The following GPR139 variants were observed in gnomAD, a reference collection of about 807,000 sequenced individuals.
The protein encoded by GPR139 is G protein-coupled receptor 139.
Under a neutral mutation model 25.8 loss-of-function variants are expected in GPR139, and 12 were observed. The observed-to-expected ratio is 0.47, with a 90% CI of 0.30 to 0.75. The LOEUF is 0.75. GPR139 is among the 30% of genes least tolerant of loss of function. The pLI is 0.07. For synonymous variants in GPR139, 184 were observed against 179.9 expected (o/e 1.02, Z -0.18); for missense variants, 380 against 450.2 (o/e 0.84, Z 1.41).
Position 20,032,681 on chromosome 16 carries a change from AGAAAAACTGG to A in GPR139, c.128-22_128-13del, listed in dbSNP as rs746391545. On this transcript the variant is annotated splice_polypyrimidine_tract_variant and intron_variant, in intron 1 of 1. Transcript: ENST00000570682. Reference sequence around the variant, plus strand: ...TGTCAAGATATTTGCTGTGGAGAGAAGAAAAACTGGTTTAGCTCTGAAGCAAAGATGACTT... The same window carrying A: ...TGTCAAGATATTTGCTGTGGAGAGAATTTAGCTCTGAAGCAAAGATGACTT... The A allele has an allele frequency of 1.3e-6, 2 of 1,587,964 alleles. No individual in the cohort carries two copies. The highest frequency in any genetic ancestry group is 2.3e-5 in the South Asian group (2 of 88,724).
intron 1 of GPR139, among the ~76,000 whole-genome samples, chr16:20,068,609 T>C (rs1482618061): frequency 6.6e-6 from 1 of 152,188 alleles, no homozygotes; most frequent in Non-Finnish European, 1.5e-5. Flanking sequence ...TTCTTTTTCT[T>C]GCCTTATTGC....
At chr16:20,063,771 T>C (rs1195428071) in intron 1 of GPR139, among the ~76,000 whole-genome samples, 1 of 152,220 alleles carries the variant, frequency 6.6e-6, no homozygotes, top group Non-Finnish European at 1.5e-5. Context: ...GCTAGCAGTG[T>C]GATTTCGTGA....
chr16:20,049,245 T>C (rs12445332), intron 1 of GPR139, among the ~76,000 whole-genome samples: 12,393 of 152,230 alleles, frequency 0.081, 593 homozygotes, highest in Non-Finnish European at 0.11. Context: ...GATAGATGGA[T>C]GGATGGACTC....
At chr16:20,038,240 G>A (rs1428401148) in intron 1 of GPR139, among the ~76,000 whole-genome samples, 1 of 151,702 alleles carries the variant, frequency 6.6e-6, no homozygotes, top group Non-Finnish European at 1.5e-5. Context: ...GAGGCAGGAT[G>A]TATAAATGGT....
At chr16:20,034,886 A>G (rs2057304609) in intron 1 of GPR139, among the ~76,000 whole-genome samples, 1 of 152,114 alleles carries the variant, frequency 6.6e-6, no homozygotes. Flanking sequence ...ATTATATTAA[A>G]TATGTTCATT....
At chr16:20,069,394 T>C (rs2057450806) in intron 1 of GPR139, among the ~76,000 whole-genome samples, 1 of 152,194 alleles carries the variant, frequency 6.6e-6, no homozygotes, top group African/African-American at 2.4e-5. Context: ...TTTTCTCTCA[T>C]TAAAGATGTT....
chr16:20,031,846 A>T lies in GPR139; in HGVS notation c.951T>A (p.His317Gln). Reference protein sequence around the residue: ...QKQPVQFYTNHNFSITSSPWI... With the variant: ...QKQPVQFYTNQNFSITSSPWI... ...AGGGGCTACTTGTTATGGAAAAGTT[A>T]TGATTGGTGTAGAACTGTACAGGTT... is the stretch of plus-strand genomic sequence containing the variant. The change falls in exon 2 of 2, where the codon CAT becomes CAA. Residue 317 changes from histidine (H) to glutamine (Q), a missense_variant. By Grantham distance (24) the His-to-Gln change is conservative (BLOSUM62 0). Coordinates refer to ENST00000570682, the MANE Select transcript of GPR139 (RefSeq NM_001002911.4). The T allele has an allele frequency of 2.5e-6, 4 of 1,614,230 alleles. No homozygotes were observed. The highest frequency in any genetic ancestry group is 3.4e-6 in the Non-Finnish European group (4 of 1,180,044).
intron 1 of GPR139, among the ~76,000 whole-genome samples, chr16:20,060,813 G>A (rs1567239746): frequency 6.6e-6 from 1 of 152,088 alleles, no homozygotes; most frequent in Non-Finnish European, 1.5e-5. Flanking sequence ...TGATATGTGT[G>A]TACCAGTCCC....
chr16:20,031,907 G>A lies in GPR139; in HGVS notation c.890C>T (p.Ala297Val). ...CTTGAAGAAAGCCTTGAGCGTGGCG[G>A]CTGCCATGGTGCGGAACCGCTTGCT... ...FISKRFRTMA[A>V]ATLKAFFKCQ... is the part of the protein sequence containing the mutation. Residue 297 changes from alanine (A) to valine (V), a missense_variant, in exon 2 of 2, where the codon GCC becomes GTC. By Grantham distance (64) the Ala-to-Val change is moderately conservative (BLOSUM62 0). Transcript: ENST00000570682. 1 of 1,614,232 alleles carries A rather than the reference G, an allele frequency of 6.2e-7. No individual in the cohort carries two copies. Among genetic ancestry groups the A allele is most frequent in the Non-Finnish European group, 8.5e-7 (1 of 1,180,028 alleles).
chr16:20,052,579 C>T (rs565345151), intron 1 of GPR139, among the ~76,000 whole-genome samples: 10 of 152,232 alleles, frequency 6.6e-5, no homozygotes, highest in Admixed American at 5.9e-4. Context: ...GGGCGGATCA[C>T]GAGGTCAGGA....
rs12928825 is a variant in GPR139 at position 20,073,708 on chromosome 16, G to A, written c.-92C>T. 617,118 of 1,435,822 alleles carry A rather than the reference G, an allele frequency of 0.43. 133,958 individuals are homozygous for A. Among genetic ancestry groups the A allele is most frequent in the East Asian group, 0.51 (20,383 of 39,698 alleles). 88.9% of individuals were successfully genotyped at this position (1,435,822 alleles called of 1,614,324 possible). ...CGGTGGTGGCGGCGGCGGAGGCAGCGGCAGCTGGAGCAGCAGCGCCTCTCT... is the reference window on the plus strand; with the variant it reads ...CGGTGGTGGCGGCGGCGGAGGCAGCAGCAGCTGGAGCAGCAGCGCCTCTCT... On this transcript the variant is annotated 5_prime_UTR_variant, in exon 1 of 2. Transcript: ENST00000570682. This position sits in a 1 kb window ranked among gnomAD's most constrained non-coding sequence, Gnocchi z 4.7.
At chr16:20,034,779 A>G (rs1181010072) in intron 1 of GPR139, among the ~76,000 whole-genome samples, 1 of 152,196 alleles carries the variant, frequency 6.6e-6, no homozygotes, top group Non-Finnish European at 1.5e-5. Context: ...TTTGAGGCCC[A>G]GTTTTGTTGC....
intron 1 of GPR139, among the ~76,000 whole-genome samples, chr16:20,058,570 C>G (rs141225070): frequency 2.0e-5 from 3 of 152,268 alleles, no homozygotes; most frequent in Admixed American, 6.5e-5. Context: ...TTTTTCTTCC[C>G]TCTTCTGCGA....
chr16:20,071,082 G>A lies in GPR139; in HGVS notation c.127+2408C>T, dbSNP rs73531514. ...TGTCAGGCACCAAGGCGAGCATTTC[G>A]CTAGTGCCATCATCTGCAGCAACAT... On this transcript the variant is annotated intron_variant, in intron 1 of 1. Transcript: ENST00000570682. 546 of 738,228 alleles carry A rather than the reference G, an allele frequency of 7.4e-4. 3 individuals carry two copies. The African/African-American group carries it at 8.1e-3, about 11-fold the overall frequency. 45.7% of individuals were successfully genotyped at this position (738,228 alleles called of 1,614,324 possible).
At chr16:20,060,846 C>T (rs945349733) in intron 1 of GPR139, among the ~76,000 whole-genome samples, 5 of 152,124 alleles carry the variant, frequency 3.3e-5, no homozygotes, top group Admixed American at 1.3e-4. Flanking sequence ...GGTTATGGCA[C>T]AGCCTGCTCC....
chr16:20,048,846 A>G (rs1426598175), intron 1 of GPR139, among the ~76,000 whole-genome samples: 2 of 152,036 alleles, frequency 1.3e-5, no homozygotes, highest in African/African-American at 2.4e-5. Flanking sequence ...CCCTTCTGCA[A>G]CCCCTGCAAA....
At position 20,031,827 on chromosome 16, in the gene GPR139, T is replaced by A; in HGVS notation, c.970A>T (p.Ser324Cys). Residue 324 changes from serine (S) to cysteine (C), a missense_variant, in exon 2 of 2, where the codon AGC becomes TGC. By Grantham distance (112) the Ser-to-Cys change is moderately radical (BLOSUM62 -1). Transcript: ENST00000570682. ...YTNHNFSITS[S>C]PWISPANSHC... ...GAGTTTGCCGGCGAGATCCAGGGGC[T>A]ACTTGTTATGGAAAAGTTATGATTG... 1 of 1,614,254 alleles carries A rather than the reference T, an allele frequency of 6.2e-7. No homozygotes were observed. Among genetic ancestry groups the A allele is most frequent in the Non-Finnish European group, 8.5e-7 (1 of 1,180,036 alleles).
chr16:20,046,732 AG>A (rs1165204268), intron 1 of GPR139, among the ~76,000 whole-genome samples: 9 of 152,306 alleles, frequency 5.9e-5, no homozygotes, highest in Admixed American at 3.9e-4. Flanking sequence ...TGGGAATGGT[AG>A]GGACTGTGAG....
At chr16:20,065,082 C>G (rs1838483900) in intron 1 of GPR139, among the ~76,000 whole-genome samples, 1 of 151,980 alleles carries the variant, frequency 6.6e-6, no homozygotes, top group African/African-American at 2.4e-5. Context: ...GCTGTGACCC[C>G]ATTGGTGTTT....
Sources: gnomAD v4.1 joint callset for allele counts (sites outside exome capture counted in the v4.1 genomes callset) on GRCh38, gnomAD v4.1.1 for gene constraint, Gnocchi (gnomAD v3.1) non-coding constraint, MANE v1.5 for transcripts, NCBI Gene and HGNC (gene_info 2026-07-23, HGNC 2026-07-21) for gene names.